The following DDX19B variants were observed in gnomAD, a reference collection of about 807,000 sequenced individuals.
DDX19B encodes the protein ATP-dependent RNA helicase DDX19B.
Under a neutral mutation model 58.1 loss-of-function variants are expected in DDX19B, and 27 were observed. The observed-to-expected ratio is 0.46, with a 90% CI of 0.34 to 0.64. The LOEUF is 0.64. Among genes scored for constraint, DDX19B ranks in the 30% least tolerant of loss-of-function variants. DDX19B has a pLI of 0.01. For missense variants in DDX19B, 399 were observed against 596.5 expected (o/e 0.67, Z 3.45); for synonymous variants, 187 against 214.4 (o/e 0.87, Z 1.12).
chr16:70,324,336 C>G (rs1963020122), intron 5 of DDX19B, among the ~76,000 whole-genome samples: 1 of 140,810 alleles, frequency 7.1e-6, no homozygotes, highest in Non-Finnish European at 1.5e-5. Flanking sequence ...GCACTCCAGC[C>G]TGGTCAACAG....
At chr16:70,315,738 G>C (rs111644407) in intron 3 of DDX19B, 5 of 464,172 alleles carry the variant, frequency 1.1e-5, no homozygotes, top group African/African-American at 7.7e-5. Flanking sequence ...TGCAGGAAAA[G>C]AGGGCTGTTA....
At chr16:70,326,102 C>G (rs1308505351) in intron 7 of DDX19B, among the ~76,000 whole-genome samples, 1 of 152,200 alleles carries the variant, frequency 6.6e-6, no homozygotes, top group Admixed American at 6.6e-5. Flanking sequence ...TTCTTTCAAT[C>G]TAGAATTGTA....
rs536347321 is a variant in DDX19B, at chr16:70,333,009, C to G, written c.1228C>G (p.Leu410Val). ...EQVSVVINFD[L>V]PVDKDGNPDN... is the part of the protein sequence containing the mutation. ...AGTGTCTGTCGTCATCAACTTTGAT[C>G]TTCCCGTGGACAAGGACGGGAATCC... The change falls in exon 11 of 12, where the codon CTT becomes GTT. Residue 410 changes from leucine (L) to valine (V), a missense_variant. By Grantham distance (32) the Leu-to-Val change is conservative. Around this residue, in one of 4 missense-constraint regions of DDX19B, gnomAD observed 198 missense variants for 345.9 expected, o/e 0.57. Coordinates refer to ENST00000288071, the MANE Select transcript of DDX19B (RefSeq NM_007242.7). The G allele has an allele frequency of 1.2e-6, 2 of 1,613,432 alleles. No individual in the cohort carries two copies. Among genetic ancestry groups the G allele is most frequent in the South Asian group, 2.2e-5 (2 of 91,010 alleles).
intron 1 of DDX19B, among the ~76,000 whole-genome samples, chr16:70,308,144 G>T (rs1378510630): frequency 1.3e-5 from 2 of 151,674 alleles, no homozygotes; most frequent in Admixed American, 6.6e-5. Context: ...GTAGAGACAG[G>T]TTTTCACCAT....
At chr16:70,294,260 T>TTA, upstream of DDX19B, among the ~76,000 whole-genome samples, 1 of 151,782 alleles carries the variant, frequency 6.6e-6, no homozygotes, top group Non-Finnish European at 1.5e-5. Flanking sequence ...TTTTTGTATT[T>TTA]TTAGTAGAGA....
At chr16:70,292,158 C>CT (rs888247595), upstream of DDX19B, among the ~76,000 whole-genome samples, 8 of 151,098 alleles carry the variant, frequency 5.3e-5, no homozygotes, top group African/African-American at 1.7e-4. Flanking sequence ...GTCTCTCTCT[C>CT]TTTTTTTTTC....
At chr16:70,325,715 C>T (rs1373139285) in intron 7 of DDX19B, 27 bp downstream of exon 7, 1 of 1,484,176 alleles carries the variant, frequency 6.7e-7, no homozygotes, top group Admixed American at 1.7e-5. Context: ...GGTCCTAAAT[C>T]ATCAACCTAA....
chr16:70,331,831 G>A lies in DDX19B; in HGVS notation c.1133G>A (p.Arg378His), dbSNP rs769879423. The A allele has an allele frequency of 9.9e-6, 16 of 1,614,068 alleles. 1 individual carries two copies. Among genetic ancestry groups the A allele is most frequent in the Non-Finnish European group, 1.2e-5 (14 of 1,179,950 alleles). The change falls in exon 10 of 12, where the codon CGC (arginine) becomes CAC (histidine). Residue 378 changes from arginine (R) to histidine (H), a missense_variant. By Grantham distance (29) the Arg-to-His change is conservative. Coordinates refer to ENST00000288071, the MANE Select transcript of DDX19B (RefSeq NM_007242.7). Reference sequence around the variant, plus strand: ...GAACAGAGGGCTGCAGTGATTGAGCGCTTCCGAGAGGGCAAAGAGAAGGTT... The same window carrying A: ...GAACAGAGGGCTGCAGTGATTGAGCACTTCCGAGAGGGCAAAGAGAAGGTT... ...MVEQRAAVIERFREGKEKVLV... is the reference protein window; with the variant it reads ...MVEQRAAVIEHFREGKEKVLV...
chr16:70,314,299 G>A (rs1021538976), intron 2 of DDX19B, among the ~76,000 whole-genome samples: 12 of 152,026 alleles, frequency 7.9e-5, no homozygotes, highest in Non-Finnish European at 1.8e-4. Context: ...TAATATTTAA[G>A]AAGTATTGAT....
At chr16:70,331,631 G>C in intron 9 of DDX19B, 91 bp from the exon 10 acceptor site, 2 of 1,484,808 alleles carry the variant, frequency 1.3e-6, no homozygotes, top group Non-Finnish European at 1.8e-6. Flanking sequence ...GGGCCTTCAT[G>C]TATTTTAATC....
intron 1 of DDX19B, among the ~76,000 whole-genome samples, chr16:70,304,125 TCG>T (rs1961621063): frequency 7.0e-6 from 1 of 143,120 alleles, no homozygotes; most frequent in African/African-American, 2.6e-5. Context: ...CTGCAACCCC[TCG>T]CCTCCGGGGT....
upstream of DDX19B, among the ~76,000 whole-genome samples, chr16:70,294,030 T>C (rs552327862): frequency 6.6e-6 from 1 of 151,826 alleles, no homozygotes; most frequent in East Asian, 1.9e-4. Context: ...TCTTAAAATA[T>C]TGCTAAATTG....
chr16:70,295,172 C>G, upstream of DDX19B: 1 of 898,488 alleles, frequency 1.1e-6, no homozygotes, highest in Non-Finnish European at 1.5e-6. Flanking sequence ...TCCCCGAACA[C>G]TCTTCTTTCC....
chr16:70,324,615 T>C lies in DDX19B; in HGVS notation c.420T>C (p.Ser140=), dbSNP rs202059020. The C allele has an allele frequency of 3.7e-6, 6 of 1,614,006 alleles. No individual in the cohort carries two copies. The East Asian group carries it at 1.1e-4, about 30-fold the overall frequency. The part of the protein sequence containing the change: ...PPQNLIAQSQ[S]GTGKTAAFVL... ...AGAACTTAATTGCCCAATCTCAGTCTGGTACTGGTAAAACAGCTGCCTTCG... is the reference window on the plus strand; with the variant it reads ...AGAACTTAATTGCCCAATCTCAGTCCGGTACTGGTAAAACAGCTGCCTTCG... Residue 140 remains serine, a synonymous_variant, in exon 6 of 12, where the codon TCT becomes TCC. Transcript: ENST00000288071.
At chr16:70,323,159 C>G (rs1465610720) in intron 5 of DDX19B, among the ~76,000 whole-genome samples, 1 of 152,258 alleles carries the variant, frequency 6.6e-6, no homozygotes, top group East Asian at 1.9e-4. Flanking sequence ...GTGGTGCAGT[C>G]TCAGCTCACT....
chr16:70,329,954 C>G lies in DDX19B; in HGVS notation c.909C>G (p.Thr303=). 1 of 1,614,176 alleles carries G rather than the reference C, an allele frequency of 6.2e-7. No individual in the cohort carries two copies. The highest frequency in any genetic ancestry group is 1.1e-5 in the South Asian group (1 of 91,088). ...TCAAACTGAAGCGTGAGGAAGAGAC[C>G]CTGGACACCATCAAGCAGTACTATG... ...NVIKLKREEE[T]LDTIKQYYVL... Residue 303 remains threonine (T), a synonymous_variant, in exon 9 of 12, where the codon ACC becomes ACG. Transcript: ENST00000288071.
chr16:70,333,755 G>C lies in DDX19B; in HGVS notation c.*173G>C. The C allele has an allele frequency of 2.1e-6, 2 of 940,810 alleles. No individual in the cohort carries two copies. Among genetic ancestry groups the C allele is most frequent in the South Asian group, 1.6e-5 (1 of 62,572 alleles). The allele number at this position is 940,810 out of a possible 1,614,324, so 58.3% of individuals were successfully genotyped here. A position where few individuals can be genotyped will look rare whatever the true frequency, so the allele number is the denominator to read the frequency against. Reference sequence around the variant, plus strand: ...TGACAAAAATGTATGCAAATGATGGGGGATGGTAGAAAAAAATTATTTACA... The same window carrying C: ...TGACAAAAATGTATGCAAATGATGGCGGATGGTAGAAAAAAATTATTTACA... On this transcript the variant is annotated 3_prime_UTR_variant, in exon 12 of 12. Coordinates refer to ENST00000288071, the MANE Select transcript of DDX19B (RefSeq NM_007242.7).
intron 7 of DDX19B, among the ~76,000 whole-genome samples, chr16:70,326,024 A>G (rs965110315): frequency 6.6e-6 from 1 of 152,158 alleles, no homozygotes; most frequent in Admixed American, 6.6e-5. Context: ...GTCTTCCTTT[A>G]TAGCTGTTTG....
At chr16:70,330,631 AAG>A (rs895426853) in intron 9 of DDX19B, among the ~76,000 whole-genome samples, 6 of 152,144 alleles carry the variant, frequency 3.9e-5, no homozygotes, top group African/African-American at 9.7e-5. Context: ...ACAACAAAAA[AAG>A]AGTATAAGCT....
Sources: gnomAD v4.1 joint callset for allele counts (sites outside exome capture counted in the v4.1 genomes callset) on GRCh38, gnomAD v4.1.1 for gene constraint, gnomAD v4.1.1 regional missense constraint, MANE v1.5 for transcripts, NCBI Gene and HGNC (gene_info 2026-07-23, HGNC 2026-07-21) for gene names.